C5: variants seen among roughly 807,000 people sequenced by gnomAD.
C5 encodes C3 and PZP-like alpha-2-macroglobulin domain-containing protein 4.
A neutral mutation model predicts 218.8 loss-of-function variants in C5; 140 were observed. The observed-to-expected ratio is 0.64, with a 90% CI of 0.56 to 0.74. C5 has a LOEUF of 0.74. Among genes scored for constraint, C5 ranks in the 30% least tolerant of loss-of-function variants. The probability of loss-of-function intolerance (pLI) is 0.00; values close to 1 mark genes in which losing one functional copy is unlikely to be tolerated. For missense variants in C5, 1,700 were observed against 1,969.6 expected (o/e 0.86, Z 2.59); for synonymous variants, 614 against 682.3 (o/e 0.90, Z 1.56).
At chr9:121,032,685 T>C (rs2047486637) in intron 5 of C5, among the ~76,000 whole-genome samples, 1 of 152,160 alleles carries the variant, frequency 6.6e-6, no homozygotes, top group Non-Finnish European at 1.5e-5. Context: ...GACCTGGCTT[T>C]AATTAATAAC....
the C5 span, among the ~76,000 whole-genome samples, chr9:121,059,682 T>C: frequency 6.6e-6 from 1 of 152,154 alleles, no homozygotes; most frequent in Non-Finnish European, 1.5e-5. The surrounding 1 kb of genome is among the most constrained non-coding windows in gnomAD (Gnocchi z 4.1). Context: ...ACAGCAAAAG[T>C]GAAGATGTGT....
chr9:121,027,288 G>C lies in C5; in HGVS notation c.759-14C>G. On this transcript the variant is annotated splice_polypyrimidine_tract_variant and intron_variant, in intron 7 of 40. Coordinates refer to ENST00000223642, the MANE Select transcript of C5 (RefSeq NM_001735.3). ...TTATAAAAATATCTGTCAGACAATAGCATAAAACTGTTTTACTAACATGGT... is the reference window on the plus strand; with the variant it reads ...TTATAAAAATATCTGTCAGACAATACCATAAAACTGTTTTACTAACATGGT... 1.7e-6 allele frequency: 2 copies of C among 1,187,102 alleles called. No individual in the cohort carries two copies. The highest frequency in any genetic ancestry group is 2.5e-6 in the Non-Finnish European group (2 of 799,164). The allele number at this position is 1,187,102 out of a possible 1,614,324, so 73.5% of individuals were successfully genotyped here.
At chr9:120,959,851 A>T (rs998286824) in intron 38 of C5, among the ~76,000 whole-genome samples, 1 of 152,154 alleles carries the variant, frequency 6.6e-6, no homozygotes. Flanking sequence ...TACCCTGAAG[A>T]TATTTTTTTA....
In C5 at chr9:121,030,451, T is replaced by A; in HGVS notation, c.704A>T (p.Tyr235Phe). The change falls in exon 7 of 41, where the codon TAT becomes TTT. Residue 235 changes from tyrosine to phenylalanine, a missense_variant. Tyr to Phe is a conservative substitution (Grantham distance 22). Transcript: ENST00000223642. ...AAAGTTCTTGTAACCAATGAAATTA[T>A]ATTCTGGCTCGATTGAGACAGAAAA... ...PHFSVSIEPE[Y>F]NFIGYKNFKN... 1 of 1,547,630 alleles carries A rather than the reference T, an allele frequency of 6.5e-7. No individual in the cohort carries two copies.
intron 20 of C5, among the ~76,000 whole-genome samples, chr9:121,003,661 A>C (rs1277622619): frequency 6.6e-6 from 1 of 152,184 alleles, no homozygotes; most frequent in Non-Finnish European, 1.5e-5. Context: ...ATAAGATTAA[A>C]ATATATTGAT....
chr9:120,985,390 G>A (rs73662470), intron 25 of C5, among the ~76,000 whole-genome samples: 1,670 of 152,222 alleles, frequency 0.011, 36 homozygotes, highest in African/African-American at 0.038. Context: ...AGAGAAATCT[G>A]GCAAAATCTG....
chr9:121,017,915 CT>C, intron 12 of C5, 63 bp from the exon 13 acceptor site: 1 of 1,028,356 alleles, frequency 9.7e-7, no homozygotes, highest in Non-Finnish European at 1.5e-6. Context: ...AAAACCTGTG[CT>C]TTAGGATGCA....
chr9:120,963,432 G>A (rs528337868), intron 34 of C5, among the ~76,000 whole-genome samples: 149 of 151,950 alleles, frequency 9.8e-4, no homozygotes, highest in African/African-American at 3.4e-3. Context: ...ACTTGAACCC[G>A]AGAGGTGCGG....
chr9:121,000,933 T>C (rs553137255), intron 20 of C5, among the ~76,000 whole-genome samples: 2 of 152,302 alleles, frequency 1.3e-5, no homozygotes, highest in South Asian at 4.1e-4. Flanking sequence ...CATGCAGTAT[T>C]TTGTAGAAAA....
intron 5 of C5, among the ~76,000 whole-genome samples, chr9:121,033,902 T>TTCC (rs1564161219): frequency 7.4e-5 from 11 of 149,158 alleles, no homozygotes; most frequent in African/African-American, 2.8e-4. Flanking sequence ...TCCCTCTTTC[T>TTCC]TTCCTTCCTT....
rs76742272 is a variant in C5 at position 121,038,921 on chromosome 9, C to T, written c.422-970G>A. On this transcript the variant is annotated intron_variant, in intron 3 of 40. Transcript: ENST00000223642. ...ACCTGTCTCCCACCACAAATCCTATCTCCTGCTTTTTGGGACACACCCAGT... is the reference window on the plus strand; with the variant it reads ...ACCTGTCTCCCACCACAAATCCTATTTCCTGCTTTTTGGGACACACCCAGT... Among the ~76,000 whole-genome samples the T allele has an allele frequency of 8.6e-3, 1,315 of 152,310 alleles. 13 individuals are homozygous for T. The highest frequency in any genetic ancestry group is 0.03 in the African/African-American group (1,240 of 41,566).
chr9:121,039,254 A>C (rs2047556088), intron 3 of C5, among the ~76,000 whole-genome samples: 1 of 152,208 alleles, frequency 6.6e-6, no homozygotes, highest in South Asian at 2.1e-4. Flanking sequence ...GCTAGTTTTT[A>C]ACCCAGTTTG....
At chr9:121,059,248 G>A in the C5 span, among the ~76,000 whole-genome samples, 1 of 152,316 alleles carries the variant, frequency 6.6e-6, no homozygotes, top group African/African-American at 2.4e-5. This position sits in a 1 kb window ranked among gnomAD's most constrained non-coding sequence, Gnocchi z 4.1. Flanking sequence ...TAGGGAGGAA[G>A]TGGAAAATAA....
the C5 span, among the ~76,000 whole-genome samples, chr9:121,071,615 G>A: frequency 6.6e-6 from 1 of 152,128 alleles, no homozygotes; most frequent in African/African-American, 2.4e-5. Context: ...AGTCTGAGAA[G>A]TCAAGGCTGC....
chr9:121,026,361 C>G (rs2047423474), intron 8 of C5, among the ~76,000 whole-genome samples: 1 of 152,182 alleles, frequency 6.6e-6, no homozygotes, highest in Non-Finnish European at 1.5e-5. Flanking sequence ...GGACAAATAA[C>G]TTCATGAATA....
rs545344100 is a variant in C5, at chr9:121,038,753, A to G, written c.422-802T>C. Among the ~76,000 whole-genome samples, 49 of 152,342 alleles carry G rather than the reference A, an allele frequency of 3.2e-4. No homozygotes were observed. In the South Asian group the frequency reaches 7.0e-3, roughly 22 times the overall value. On this transcript the variant is annotated intron_variant, in intron 3 of 40. Coordinates refer to ENST00000223642, the MANE Select transcript of C5 (RefSeq NM_001735.3). Reference sequence around the variant, plus strand: ...CACAAAATAAAATAGAACTGGCACCATAAACCCAGTATCTTTTAAAAGATC... The same window carrying G: ...CACAAAATAAAATAGAACTGGCACCGTAAACCCAGTATCTTTTAAAAGATC...
chr9:121,004,706 G>A (rs1433996159), intron 20 of C5, among the ~76,000 whole-genome samples: 3 of 151,982 alleles, frequency 2.0e-5, no homozygotes, highest in African/African-American at 7.2e-5. Flanking sequence ...AGGGGAGGAG[G>A]AGTTTGCAGT....
At chr9:120,993,980 G>A (rs533636537) in intron 22 of C5, among the ~76,000 whole-genome samples, 93 of 152,114 alleles carry the variant, frequency 6.1e-4, no homozygotes, top group Non-Finnish European at 1.1e-3. Context: ...CAGGAAATGA[G>A]GGAGTGAGAA....
intron 29 of C5, 73 bp downstream of exon 29, chr9:120,976,627 A>C (rs1346647506): frequency 4.2e-6 from 5 of 1,187,320 alleles, no homozygotes; most frequent in Non-Finnish European, 6.3e-6. Flanking sequence ...AAAGGCATGG[A>C]GGCCAGATGA....
Sources: allele counts gnomAD v4.1 joint callset (sites outside exome capture counted in the v4.1 genomes callset), GRCh38; gene constraint gnomAD v4.1.1; non-coding constraint Gnocchi (gnomAD v3.1); transcripts MANE v1.5; gene names NCBI Gene and HGNC (gene_info 2026-07-23, HGNC 2026-07-21).